GABRB1: variants seen among roughly 807,000 people sequenced by gnomAD.
GABRB1 encodes gamma-aminobutyric acid type A receptor subunit beta1, also known as gamma-aminobutyric acid receptor subunit beta-1.
In GABRB1, 17 loss-of-function variants were observed where a neutral mutation model predicts 51.6. That is an observed-to-expected ratio of 0.33 (90% CI 0.23 to 0.49). The LOEUF (loss-of-function observed/expected upper bound fraction) is 0.49. GABRB1 is among the 20% of genes least tolerant of loss of function. The pLI, the probability that GABRB1 is intolerant of heterozygous loss-of-function variation, is 0.99. For missense variants in GABRB1, 410 were observed against 600.6 expected (o/e 0.68, Z 3.32); for synonymous variants, 247 against 218.9 (o/e 1.13, Z -1.14).
intron 5 of GABRB1, among the ~76,000 whole-genome samples, chr4:47,382,434 A>G (rs571011874): frequency 7.2e-5 from 11 of 152,296 alleles, no homozygotes; most frequent in African/African-American, 2.6e-4. Context: ...TGTGATGCCT[A>G]TGTACTTGGA....
intron 1 of GABRB1, among the ~76,000 whole-genome samples, chr4:47,024,639 T>A (rs942745813): frequency 6.6e-6 from 1 of 151,758 alleles, no homozygotes; most frequent in Non-Finnish European, 1.5e-5. Flanking sequence ...AGTTCCTTAG[T>A]GATGATTTGT....
At chr4:47,161,553 A>C in intron 4 of GABRB1, 84 bp downstream of exon 4, 1 of 1,033,650 alleles carries the variant, frequency 9.7e-7, no homozygotes, top group Non-Finnish European at 1.5e-6. Context: ...AGGGGAGAGA[A>C]GCAAGAATAT....
At position 47,267,569 on chromosome 4, in the gene GABRB1, C is replaced by A. The variant is rs191984864; in HGVS notation, c.462-52558C>A. Reference sequence around the variant, plus strand: ...CAGCACCTTGTGAGGCCGAGGCAGGCGGATCACCTGCGGTCAGGAGTTCGA... The same window carrying A: ...CAGCACCTTGTGAGGCCGAGGCAGGAGGATCACCTGCGGTCAGGAGTTCGA... On this transcript the variant is annotated intron_variant, in intron 4 of 8. Transcript: ENST00000295454. Among the ~76,000 whole-genome samples the A allele has an allele frequency of 1.2e-4, 18 of 151,984 alleles. No homozygotes were observed. The East Asian group carries it at 3.5e-3, about 29-fold the overall frequency.
At chr4:47,358,769 C>T (rs1726686054) in intron 5 of GABRB1, among the ~76,000 whole-genome samples, 1 of 152,128 alleles carries the variant, frequency 6.6e-6, no homozygotes, top group African/African-American at 2.4e-5. Flanking sequence ...CAGCCCATAA[C>T]AGTAGTAATT....
intron 3 of GABRB1, among the ~76,000 whole-genome samples, chr4:47,074,903 C>A (rs957215872): frequency 2.6e-5 from 4 of 152,192 alleles, no homozygotes; most frequent in Non-Finnish European, 5.9e-5. Context: ...TCAAGATTAT[C>A]TCAGTATTTA....
At chr4:47,413,786 G>T (rs571286981) in intron 8 of GABRB1, among the ~76,000 whole-genome samples, 144 of 152,252 alleles carry the variant, frequency 9.5e-4, no homozygotes, top group African/African-American at 3.4e-3. Flanking sequence ...GCTTTGTCTT[G>T]ATTTATATTT....
chr4:46,993,993 C>G (rs1230565348), intron 1 of GABRB1: 1 of 154,062 alleles, frequency 6.5e-6, no homozygotes, highest in African/African-American at 2.4e-5. Flanking sequence ...GTGACGGGGA[C>G]TGCTGGGCGT....
chr4:47,104,021 T>C (rs952697509), intron 3 of GABRB1, among the ~76,000 whole-genome samples: 1 of 151,892 alleles, frequency 6.6e-6, no homozygotes, highest in African/African-American at 2.4e-5. Flanking sequence ...TAATTCCAAG[T>C]TCCTGTCTGG....
chr4:47,093,832 C>T (rs968787269), intron 3 of GABRB1, among the ~76,000 whole-genome samples: 1 of 152,038 alleles, frequency 6.6e-6, no homozygotes, highest in African/African-American at 2.4e-5. Context: ...CATGTAAAGG[C>T]CATTTATTAT....
intron 4 of GABRB1, among the ~76,000 whole-genome samples, chr4:47,237,713 AGATAGAT>A (rs1721379111): frequency 6.6e-6 from 1 of 152,054 alleles, no homozygotes; most frequent in Non-Finnish European, 1.5e-5. Flanking sequence ...CAAAGAAGAT[AGATAGAT>A]GATAGAGATA....
intron 3 of GABRB1, among the ~76,000 whole-genome samples, chr4:47,052,752 G>A (rs770697486): frequency 1.3e-5 from 2 of 152,172 alleles, no homozygotes; most frequent in African/African-American, 2.4e-5. Context: ...CTCCCCGACT[G>A]TAGCATTATG....
At chr4:47,388,246 A>T (rs1178493204) in intron 5 of GABRB1, among the ~76,000 whole-genome samples, 1 of 152,236 alleles carries the variant, frequency 6.6e-6, no homozygotes, top group African/African-American at 2.4e-5. Context: ...TGTATTTGAT[A>T]TAATGCCTGG....
chr4:47,301,266 A>G (rs1724248471), intron 4 of GABRB1, among the ~76,000 whole-genome samples: 1 of 152,152 alleles, frequency 6.6e-6, no homozygotes, highest in African/African-American at 2.4e-5. Flanking sequence ...ATTATAGTAG[A>G]TTACCTCCAA....
Position 47,403,442 on chromosome 4 carries a change from G to C in GABRB1, c.669G>C (p.Val223=). The C allele has an allele frequency of 6.2e-7, 1 of 1,614,016 alleles. No homozygotes were observed. The highest frequency in any genetic ancestry group is 1.1e-5 in the South Asian group (1 of 91,072). ...ACTACAAGATGGTGTCTAAGAAGGT[G>C]GAGTTCACAACAGGTGAGGTTGTTT... ...IVDYKMVSKK[V]EFTTGAYPRL... is the part of the protein sequence containing the mutation. Residue 223 remains valine (V), a synonymous_variant, in exon 6 of 9, where the codon GTG becomes GTC. Coordinates refer to ENST00000295454, the MANE Select transcript of GABRB1 (RefSeq NM_000812.4).
upstream of GABRB1, among the ~76,000 whole-genome samples, chr4:47,028,739 TACAC>T (rs1041826861): frequency 1.3e-5 from 2 of 150,346 alleles, no homozygotes; most frequent in Non-Finnish European, 3.0e-5. Context: ...TATATATACA[TACAC>T]ACACAAACAC....
intron 3 of GABRB1, among the ~76,000 whole-genome samples, chr4:47,097,147 C>G (rs1031928780): frequency 5.3e-5 from 8 of 152,180 alleles, no homozygotes; most frequent in Non-Finnish European, 1.2e-4. Flanking sequence ...CAAGTGCCTT[C>G]CTACCTCTCT....
intron 4 of GABRB1, among the ~76,000 whole-genome samples, chr4:47,262,323 C>T (rs4629420): frequency 0.89 from 134,675 of 152,096 alleles, 59,885 homozygotes; most frequent in East Asian, 0.98. Flanking sequence ...CCAGAATCTA[C>T]GATGAACTCA....
intron 5 of GABRB1, among the ~76,000 whole-genome samples, chr4:47,360,778 C>T (rs1317990308): frequency 6.6e-6 from 1 of 152,006 alleles, no homozygotes; most frequent in Non-Finnish European, 1.5e-5. Context: ...TAAAGTGGAG[C>T]ATTGGGTCAA....
intron 4 of GABRB1, among the ~76,000 whole-genome samples, chr4:47,310,522 T>C (rs891844615): frequency 3.3e-5 from 5 of 152,220 alleles, no homozygotes; most frequent in East Asian, 1.9e-4. Flanking sequence ...TAACTGCTCA[T>C]GGAAGAAATG....
Sources: gnomAD v4.1 joint callset for allele counts (sites outside exome capture counted in the v4.1 genomes callset) on GRCh38, gnomAD v4.1.1 for gene constraint, MANE v1.5 for transcripts, NCBI Gene and HGNC (gene_info 2026-07-23, HGNC 2026-07-21) for gene names.